Variants in ABCB5 observed in about 807,000 individuals in gnomAD.
ABCB5 encodes the protein ATP binding cassette subfamily B member 5.
ABCB5 carries 155 observed loss-of-function variants against 144.2 expected under a neutral mutation model. The observed-to-expected ratio is 1.08, with a 90% CI of 0.94 to 1.23. The LOEUF (loss-of-function observed/expected upper bound fraction) is 1.23, where lower values mean the gene tolerates loss of function less well. ABCB5 is among the 50% of genes most tolerant of loss of function. ABCB5 has a pLI of 0.00. For missense variants in ABCB5, 1,830 were observed against 1,520.8 expected (o/e 1.20, Z -3.38); for synonymous variants, 610 against 528.6 (o/e 1.15, Z -2.11).
chr7:20,710,381 A>AAAGGGGGGGG (rs1242291728), intron 20 of ABCB5, among the ~76,000 whole-genome samples: 1 of 56,730 alleles, frequency 1.8e-5, no homozygotes, highest in African/African-American at 7.7e-5. Context: ...AAAAAAAAAA[A>AAAGGGGGGGG]GTGGGGGGGG....
intron 14 of ABCB5, among the ~76,000 whole-genome samples, chr7:20,678,547 C>T (rs146920197): frequency 2.0e-5 from 3 of 152,126 alleles, no homozygotes; most frequent in East Asian, 3.9e-4. Context: ...TACTAGCTGT[C>T]GATTGTTGAT....
At chr7:20,676,326 A>G (rs762019318) in intron 14 of ABCB5, among the ~76,000 whole-genome samples, 2 of 152,218 alleles carry the variant, frequency 1.3e-5, no homozygotes, top group Non-Finnish European at 2.9e-5. Flanking sequence ...TATTTCTAAT[A>G]GCCAAGATAT....
At chr7:20,742,373 C>CAAATAAAATA (rs150241163) in intron 24 of ABCB5, among the ~76,000 whole-genome samples, 54 of 150,676 alleles carry the variant, frequency 3.6e-4, no homozygotes, top group African/African-American at 1.3e-3. Context: ...GACCCTTTCT[C>CAAATAAAATA]AAATAAAATA....
chr7:20,622,281 T>A (rs1263965268), intron 1 of ABCB5, among the ~76,000 whole-genome samples: 1 of 152,178 alleles, frequency 6.6e-6, no homozygotes, highest in African/African-American at 2.4e-5. Flanking sequence ...TTATTTTTCT[T>A]ACATACATGT....
At chr7:20,707,854 A>G (rs546523106) in intron 20 of ABCB5, among the ~76,000 whole-genome samples, 33 of 129,054 alleles carry the variant, frequency 2.6e-4, no homozygotes, top group Non-Finnish European at 4.8e-4. Context: ...CCCAGGCTGG[A>G]ATGCAGTGGC....
chr7:20,620,900 CA>C (rs966156532), intron 1 of ABCB5, among the ~76,000 whole-genome samples: 4 of 151,976 alleles, frequency 2.6e-5, no homozygotes, highest in Non-Finnish European at 5.9e-5. Flanking sequence ...AGTATATACC[CA>C]AAAGAACTGA....
intron 14 of ABCB5, among the ~76,000 whole-genome samples, chr7:20,680,640 G>T (rs1205133337): frequency 6.6e-6 from 1 of 151,848 alleles, no homozygotes. Flanking sequence ...GTAATGATGG[G>T]ATTCTTGACC....
At chr7:20,716,504 A>AT (rs545077840) in intron 20 of ABCB5, among the ~76,000 whole-genome samples, 3,400 of 149,654 alleles carry the variant, frequency 0.023, 115 homozygotes, top group African/African-American at 0.073. Context: ...GCAAAGACCA[A>AT]TTTTTTTTTT....
intron 5 of ABCB5, among the ~76,000 whole-genome samples, chr7:20,638,245 C>T (rs1183132522): frequency 2.9e-4 from 44 of 151,994 alleles, no homozygotes. Context: ...TATACATAAT[C>T]CCAACACTAA....
At chr7:20,735,282 T>A (rs1782348047) in intron 23 of ABCB5, among the ~76,000 whole-genome samples, 1 of 152,210 alleles carries the variant, frequency 6.6e-6, no homozygotes, top group South Asian at 2.1e-4. Context: ...AACCACATTG[T>A]ATTTCCAATA....
chr7:20,670,965 G>GT (rs1562554039), intron 14 of ABCB5, among the ~76,000 whole-genome samples: 1 of 152,122 alleles, frequency 6.6e-6, no homozygotes, highest in Non-Finnish European at 1.5e-5. Context: ...TGTTCCCCAC[G>GT]TATCAGTCAC....
chr7:20,621,458 C>T (rs1783803271), intron 1 of ABCB5, among the ~76,000 whole-genome samples: 1 of 152,058 alleles, frequency 6.6e-6, no homozygotes, highest in Non-Finnish European at 1.5e-5. Context: ...AGGCTGGTGC[C>T]TATGCTGCTG....
chr7:20,755,224 C>T (rs1404650686), intron 27 of ABCB5, among the ~76,000 whole-genome samples: 1 of 152,224 alleles, frequency 6.6e-6, no homozygotes, highest in Non-Finnish European at 1.5e-5. Flanking sequence ...GCTGGGATTA[C>T]AGGCATGAGC....
intron 26 of ABCB5, among the ~76,000 whole-genome samples, chr7:20,746,062 G>C (rs1318061247): frequency 6.6e-6 from 1 of 151,992 alleles, no homozygotes; most frequent in Non-Finnish European, 1.5e-5. Flanking sequence ...CTCCAGCCTA[G>C]ACCTCCCTTA....
In ABCB5 at chr7:20,753,442, T is replaced by C. The variant is rs1782993006; in HGVS notation, c.3512T>C (p.Leu1171Pro). ...KQRLAIARALLQKPKILLLDE... is the reference protein window; with the variant it reads ...KQRLAIARALPQKPKILLLDE... ...AGACTAGCTATTGCAAGGGCTCTTC[T>C]CCAAAAACCCAAAATTTTATTGTTG... The change falls in exon 27 of 28, where the codon CTC becomes CCC. Residue 1171 changes from leucine (L) to proline (P), a missense_variant. Physicochemically the swap from Leu to Pro is moderately conservative, Grantham distance 98. Transcript: ENST00000404938. The C allele has an allele frequency of 1.2e-6, 2 of 1,614,094 alleles. No individual in the cohort carries two copies. Among genetic ancestry groups the C allele is most frequent in the East Asian group, 4.5e-5 (2 of 44,880 alleles).
At chr7:20,651,187 C>A (rs1213903375) in intron 12 of ABCB5, among the ~76,000 whole-genome samples, 2 of 152,106 alleles carry the variant, frequency 1.3e-5, no homozygotes, top group Non-Finnish European at 2.9e-5. Context: ...TAAAGATAAT[C>A]AGATGATCTG....
chr7:20,754,247 G>A (rs1783016006), intron 27 of ABCB5, among the ~76,000 whole-genome samples: 1 of 152,200 alleles, frequency 6.6e-6, no homozygotes. Flanking sequence ...CTAATGGAGG[G>A]TATCTGACCT....
At chr7:20,664,467 T>A (rs2128032273) in intron 14 of ABCB5, among the ~76,000 whole-genome samples, 1 of 152,320 alleles carries the variant, frequency 6.6e-6, no homozygotes, top group Non-Finnish European at 1.5e-5. Flanking sequence ...TTCTAAGACA[T>A]AATAAAATAT....
At chr7:20,682,972 C>T (rs544168678) in intron 15 of ABCB5, among the ~76,000 whole-genome samples, 2 of 152,300 alleles carry the variant, frequency 1.3e-5, no homozygotes, top group East Asian at 1.9e-4. Context: ...TTTGTTCTCG[C>T]CCAGCTTTCT....
Sources: allele counts gnomAD v4.1 joint callset (sites outside exome capture counted in the v4.1 genomes callset), GRCh38; gene constraint gnomAD v4.1.1; transcripts MANE v1.5; gene names NCBI Gene and HGNC (gene_info 2026-07-23, HGNC 2026-07-21).